Variants in GPR137B observed in about 807,000 individuals in gnomAD.
The protein encoded by GPR137B is integral membrane protein GPR137B.
A neutral mutation model predicts 42.5 loss-of-function variants in GPR137B; 42 were observed. The ratio of observed to expected loss-of-function variants is 0.99; its 90% CI spans 0.77 to 1.28. The LOEUF (loss-of-function observed/expected upper bound fraction) is 1.28. GPR137B is among the 50% of genes most tolerant of loss of function. GPR137B has a pLI of 0.00. For synonymous variants in GPR137B, 218 were observed against 209.7 expected, an observed-to-expected ratio of 1.04 and a Z score of -0.34; for missense variants, 487 against 493.9, an observed-to-expected ratio of 0.99 and a Z score of 0.13.
chr1:236,178,749 T>A, intron 3 of GPR137B, 113 bp downstream of exon 3: 1 of 603,526 alleles, frequency 1.7e-6, no homozygotes, highest in Non-Finnish European at 3.1e-6. Flanking sequence ...CTTGACTTTC[T>A]CCGTTTTATT....
rs60574023 is a variant in GPR137B at position 236,151,418 on chromosome 1, ATT to A, written c.414+8405_414+8406del. Among the ~76,000 whole-genome samples, 612 of 72,300 alleles carry A rather than the reference ATT, an allele frequency of 8.5e-3. 3 individuals are homozygous for A. The highest frequency in any genetic ancestry group is 0.037 in the African/African-American group (453 of 12,274). The allele number at this position is 72,300 out of a possible 152,430, so 47.4% of individuals were successfully genotyped here. On this transcript the variant is annotated intron_variant, in intron 1 of 6. Transcript: ENST00000366592. ...CACATATGGTCTCTGTTGCATATTC[ATT>A]TTTTTTTTTTTTTTTTTTTTTTGAG...
chr1:236,203,387 GT>G (rs1663556371), intron 5 of GPR137B, among the ~76,000 whole-genome samples: 5 of 152,086 alleles, frequency 3.3e-5, no homozygotes, highest in Admixed American at 3.3e-4. Flanking sequence ...CTATGTGTCT[GT>G]TCCTATACCA....
rs149737861 is a variant in GPR137B at position 236,177,201 on chromosome 1, G to A, written c.465-1213G>A. On this transcript the variant is annotated intron_variant, in intron 2 of 6. Transcript: ENST00000366592. ...GATTAGCCTGAGTAAGTGGGGGGTT[G>A]TTATGTCACACTGGAATCTGAGGGC... 7.0e-3 allele frequency among the ~76,000 whole-genome samples: 1,065 copies of A among 152,286 alleles called. 10 individuals carry two copies. The highest frequency in any genetic ancestry group is 0.013 in the South Asian group (64 of 4,824).
chr1:236,161,736 T>C (rs934941468), intron 1 of GPR137B, among the ~76,000 whole-genome samples: 1 of 152,226 alleles, frequency 6.6e-6, no homozygotes, highest in Non-Finnish European at 1.5e-5. Flanking sequence ...CAGGGGTTTC[T>C]GCTTTTGCTT....
At chr1:236,172,239 C>A (rs1662556999) in intron 2 of GPR137B, among the ~76,000 whole-genome samples, 1 of 152,194 alleles carries the variant, frequency 6.6e-6, no homozygotes, top group Non-Finnish European at 1.5e-5. Context: ...TTCTCTTAAA[C>A]CAGATGCCAC....
At chr1:236,178,747 T>C in intron 3 of GPR137B, 111 bp downstream of exon 3, 1 of 639,684 alleles carries the variant, frequency 1.6e-6, no homozygotes, top group Non-Finnish European at 2.8e-6. Flanking sequence ...GCCTTGACTT[T>C]CTCCGTTTTA....
intron 2 of GPR137B, among the ~76,000 whole-genome samples, chr1:236,178,038 A>T (rs1281409006): frequency 1.3e-5 from 2 of 152,156 alleles, no homozygotes; most frequent in Non-Finnish European, 2.9e-5. Context: ...AAGAGGTTGC[A>T]TTTTGTCTAA....
chr1:236,208,010 A>G, intron 6 of GPR137B, 40 bp from the exon 7 acceptor site: 2 of 1,451,042 alleles, frequency 1.4e-6, no homozygotes, highest in Non-Finnish European at 1.9e-6. Context: ...TACATACTAT[A>G]TAATGTTTCA....
Position 236,142,911 on chromosome 1 carries a change from T to G in GPR137B, c.289T>G (p.Ser97Ala), listed in dbSNP as rs1385570882. The stretch of plus-strand genomic sequence containing the variant: ...GGCCTCCCTGCGGACCGTCCTCTTC[T>G]CCTTCTACTTCAAAGACTTCGTGGC... ...FWASLRTVLF[S>A]FYFKDFVAAN... The change falls in exon 1 of 7, where the codon TCC (serine) becomes GCC (alanine). Residue 97 changes from serine to alanine, a missense_variant. Coordinates refer to ENST00000366592, the MANE Select transcript of GPR137B (RefSeq NM_003272.4). The G allele has an allele frequency of 1.2e-6, 2 of 1,614,172 alleles. No homozygotes were observed. The highest frequency in any genetic ancestry group is 3.3e-5 in the Admixed American group (2 of 60,028).
intron 5 of GPR137B, among the ~76,000 whole-genome samples, chr1:236,203,138 C>T (rs766998604): frequency 3.3e-5 from 5 of 152,102 alleles, no homozygotes; most frequent in South Asian, 2.1e-4. Flanking sequence ...AGTGCAATGG[C>T]GTGATCTCGG....
chr1:236,188,374 G>A (rs1468987777), intron 5 of GPR137B, among the ~76,000 whole-genome samples: 1 of 152,200 alleles, frequency 6.6e-6, no homozygotes, highest in East Asian at 1.9e-4. Context: ...TAGGAGTGGT[G>A]AGAGAGGGCA....
At chr1:236,148,712 C>T (rs557970666) in intron 1 of GPR137B, among the ~76,000 whole-genome samples, 2 of 152,254 alleles carry the variant, frequency 1.3e-5, no homozygotes, top group East Asian at 1.9e-4. Flanking sequence ...TCATGTGGTC[C>T]TGTGGGATGG....
chr1:236,142,947 C>A lies in GPR137B; in HGVS notation c.325C>A (p.Leu109Ile), dbSNP rs1462557364. ...CAAAGACTTCGTGGCGGCCAATTCG[C>A]TCAGCCCCTTCGTCTTCTGGCTGCT... ...YFKDFVAANS[L>I]SPFVFWLLYC... Residue 109 changes from leucine (L) to isoleucine (I), a missense_variant, in exon 1 of 7, where the codon CTC (leucine) becomes ATC (isoleucine). Physicochemically the swap from Leu to Ile is conservative, Grantham distance 5 (BLOSUM62 2). Coordinates refer to ENST00000366592, the MANE Select transcript of GPR137B (RefSeq NM_003272.4). 3.7e-6 allele frequency: 6 copies of A among 1,614,048 alleles called. No homozygotes were observed. The highest frequency in any genetic ancestry group is 1.7e-5 in the Admixed American group (1 of 60,008).
At position 236,208,594 on chromosome 1, in the gene GPR137B, C is replaced by T. The variant is rs1232374143; in HGVS notation, c.*436C>T. On this transcript the variant is annotated 3_prime_UTR_variant, in exon 7 of 7. Coordinates refer to ENST00000366592, the MANE Select transcript of GPR137B (RefSeq NM_003272.4). Reference sequence around the variant, plus strand: ...GACTAAAGTATTCCACAAATCTTACCTCTTTAGGTCACTGATGGTCACTCC... The same window carrying T: ...GACTAAAGTATTCCACAAATCTTACTTCTTTAGGTCACTGATGGTCACTCC... The T allele has an allele frequency of 2.0e-6, 2 of 976,566 alleles. No individual in the cohort carries two copies. The highest frequency in any genetic ancestry group is 1.1e-4 in the East Asian group (1 of 8,824). 60.5% of individuals were successfully genotyped at this position (976,566 alleles called of 1,614,324 possible).
intron 1 of GPR137B, among the ~76,000 whole-genome samples, chr1:236,159,392 G>C (rs1488852634): frequency 6.6e-6 from 1 of 152,212 alleles, no homozygotes; most frequent in Admixed American, 6.5e-5. Context: ...TAGGCTTGGC[G>C]GGGTGGCTCA....
At chr1:236,173,870 G>A (rs1023694073) in intron 2 of GPR137B, among the ~76,000 whole-genome samples, 2 of 151,864 alleles carry the variant, frequency 1.3e-5, no homozygotes. Flanking sequence ...AGGCATAGAG[G>A]GAAAAAAACT....
rs1219853642 is a variant in GPR137B, at chr1:236,180,008, T to C, written c.817T>C (p.Trp273Arg). The change falls in exon 4 of 7, where the codon TGG becomes CGG. Residue 273 changes from tryptophan to arginine, a missense_variant. By Grantham distance (101) the Trp-to-Arg change is moderately radical. Coordinates refer to ENST00000366592, the MANE Select transcript of GPR137B (RefSeq NM_003272.4). ...GAGCGTCCATTCCTTTGATTATGAC[T>C]GGTACAATGTATCAGACCAGGTCAG... is the stretch of plus-strand genomic sequence containing the variant. ...NKSVHSFDYDWYNVSDQADLK... is the reference protein window; with the variant it reads ...NKSVHSFDYDRYNVSDQADLK... The C allele has an allele frequency of 6.2e-7, 1 of 1,613,806 alleles. No homozygotes were observed. Among genetic ancestry groups the C allele is most frequent in the Admixed American group, 1.7e-5 (1 of 60,008 alleles).
At chr1:236,184,015 G>T in intron 5 of GPR137B, 109 bp downstream of exon 5, 1 of 700,370 alleles carries the variant, frequency 1.4e-6, no homozygotes, top group Non-Finnish European at 2.3e-6. Flanking sequence ...TTCCTTTTGT[G>T]GTGGTATGAA....
intron 1 of GPR137B, among the ~76,000 whole-genome samples, chr1:236,153,618 C>T (rs781251700): frequency 2.6e-5 from 4 of 152,204 alleles, no homozygotes; most frequent in Admixed American, 1.3e-4. Context: ...CTTAGATTCT[C>T]GCTGCGTGGA....
Sources: allele counts gnomAD v4.1 joint callset (sites outside exome capture counted in the v4.1 genomes callset), GRCh38; gene constraint gnomAD v4.1.1; transcripts MANE v1.5; gene names NCBI Gene and HGNC (gene_info 2026-07-23, HGNC 2026-07-21).